Variants in KNTC1 observed in about 807,000 individuals in gnomAD.
The protein encoded by KNTC1 is kinetochore associated 1, also known as kinetochore-associated protein 1.
A neutral mutation model predicts 314.4 loss-of-function variants in KNTC1; 253 were observed. The ratio of observed to expected loss-of-function variants is 0.80; its 90% CI spans 0.73 to 0.89. The LOEUF (loss-of-function observed/expected upper bound fraction) is 0.89. Ranked by LOEUF, KNTC1 falls within the 40% of genes least tolerant of loss-of-function variation. KNTC1 has a pLI of 0.00. For missense variants in KNTC1, 2,475 were observed against 2,572.9 expected, an observed-to-expected ratio of 0.96 and a Z score of 0.82; for synonymous variants, 901 against 901.4, an observed-to-expected ratio of 1.00 and a Z score of 0.01.
At chr12:122,575,672 G>A (rs1378430409) in intron 28 of KNTC1, 26 bp downstream of exon 28, 3 of 1,529,378 alleles carry the variant, frequency 2.0e-6, no homozygotes, top group Non-Finnish European at 2.7e-6. Flanking sequence ...ACGAAACAAT[G>A]TTGTTATGCT....
At chr12:122,564,229 G>A (rs1453090110) in intron 20 of KNTC1, among the ~76,000 whole-genome samples, 2 of 151,996 alleles carry the variant, frequency 1.3e-5, no homozygotes, top group East Asian at 1.9e-4. Context: ...CACCCACCTC[G>A]GCTTCCCAAA....
chr12:122,586,641 TCTGGG>T, intron 37 of KNTC1, 55 bp from the exon 38 acceptor site: 1 of 717,286 alleles, frequency 1.4e-6, no homozygotes, highest in Non-Finnish European at 2.2e-6. Context: ...AGTGATGAAG[TCTGGG>T]CTTTTAGTGT....
At position 122,534,698 on chromosome 12, in the gene KNTC1, T is replaced by C; in HGVS notation, c.164T>C (p.Leu55Ser). The change falls in exon 3 of 64, where the codon TTA becomes TCA. Residue 55 changes from leucine to serine, a missense_variant. Coordinates refer to ENST00000333479, the MANE Select transcript of KNTC1 (RefSeq NM_014708.6). ...SLNPKIQACS[L>S]SDGFIIVADQ... ...AATCCAAAGATACAGGCATGCAGCT[T>C]AAGTGATGGGTTTATTATTGTAGCC... 3 of 1,610,954 alleles carry C rather than the reference T, an allele frequency of 1.9e-6. No individual in the cohort carries two copies. Among genetic ancestry groups the C allele is most frequent in the Non-Finnish European group, 2.5e-6 (3 of 1,178,090 alleles).
chr12:122,580,949 A>G lies in KNTC1; in HGVS notation c.2982+279A>G, dbSNP rs577961641. 1.9e-3 allele frequency among the ~76,000 whole-genome samples: 288 copies of G among 150,430 alleles called. 4 individuals are homozygous for G. Among genetic ancestry groups the G allele is most frequent in the African/African-American group, 6.8e-3 (278 of 40,892 alleles). ...AGGCCGAGGCAGGAGAATTGCTTGAACCCGGGAGGCGGAGGTTGCAGTGAG... is the reference window on the plus strand; with the variant it reads ...AGGCCGAGGCAGGAGAATTGCTTGAGCCCGGGAGGCGGAGGTTGCAGTGAG... On this transcript the variant is annotated intron_variant, in intron 33 of 63. Transcript: ENST00000333479.
At chr12:122,583,194 C>T (rs1042327947) in intron 34 of KNTC1, among the ~76,000 whole-genome samples, 4 of 152,026 alleles carry the variant, frequency 2.6e-5, no homozygotes, top group African/African-American at 9.7e-5. Context: ...GCCTATAGTC[C>T]CAGCTACTGG....
intron 59 of KNTC1, 169 bp from the exon 60 acceptor site, chr12:122,620,310 G>T: frequency 1.8e-6 from 1 of 543,330 alleles, no homozygotes; most frequent in South Asian, 2.3e-5. Context: ...TGTGTAGAGT[G>T]CTGTCAAAGA....
chr12:122,546,643 TAGAC>T lies in KNTC1; in HGVS notation c.787_790del (p.Asp263IlefsTer12), dbSNP rs775464875. The T allele has an allele frequency of 5.7e-6, 9 of 1,588,504 alleles. No homozygotes were observed. The highest frequency in any genetic ancestry group is 7.7e-6 in the Non-Finnish European group (9 of 1,163,272). ...GTAGGTGCAAAGAAGTTCCAGCTGATAGACAATCTACTTTTTGTTCTTGATACTG... is the reference window on the plus strand; with the variant it reads ...GTAGGTGCAAAGAAGTTCCAGCTGATAATCTACTTTTTGTTCTTGATACTG... On this transcript the variant is annotated frameshift_variant, in exon 10 of 64. Transcript: ENST00000333479. LOFTEE classifies it high-confidence loss of function.
At chr12:122,567,720 C>T (rs1039211669) in intron 20 of KNTC1, among the ~76,000 whole-genome samples, 6 of 152,056 alleles carry the variant, frequency 3.9e-5, no homozygotes, top group Admixed American at 6.6e-5. Context: ...TGCCTGTAAT[C>T]CCAGCTGCTT....
chr12:122,613,495 C>T (rs1873409016), intron 54 of KNTC1, 131 bp from the exon 55 acceptor site: 8 of 729,594 alleles, frequency 1.1e-5, no homozygotes, highest in Admixed American at 6.7e-5. Context: ...ATTATATATT[C>T]AGTGAATATA....
intron 5 of KNTC1, among the ~76,000 whole-genome samples, chr12:122,540,984 A>G (rs1962260094): frequency 6.6e-6 from 1 of 151,986 alleles, no homozygotes; most frequent in Non-Finnish European, 1.5e-5. Context: ...CAGCCTGGAT[A>G]ATATAGAGAG....
Position 122,549,766 on chromosome 12 carries a change from A to T in KNTC1, c.988A>T (p.Met330Leu). 1 of 1,431,802 alleles carries T rather than the reference A, an allele frequency of 7.0e-7. No homozygotes were observed. Among genetic ancestry groups the T allele is most frequent in the African/African-American group, 1.4e-5 (1 of 71,426 alleles). 88.7% of individuals were successfully genotyped at this position (1,431,802 alleles called of 1,614,324 possible). ...TTAATTGCTCTGCTATTTTTCTTAG[A>T]TGAAAAACCTCATGGTTTATTCATT... ...IALTASANKK[M>L]KNLMVYSLPT... The change falls in exon 13 of 64, where the codon ATG becomes TTG. Residue 330 changes from methionine to leucine, a missense_variant and splice_region_variant. By Grantham distance (15) the Met-to-Leu change is conservative. Coordinates refer to ENST00000333479, the MANE Select transcript of KNTC1 (RefSeq NM_014708.6).
Position 122,605,036 on chromosome 12 carries a change from C to T in KNTC1, c.5335C>T (p.His1779Tyr). ...ACATCTTATTGTCAGTCTCTACGAA[C>T]ATCCTAGCATCAATCAAAGAATTCA... The part of the protein sequence containing the change: ...PAHLIVSLYE[H>Y]PSINQRIQNS... The change falls in exon 50 of 64, where the codon CAT becomes TAT. Residue 1779 changes from histidine (H) to tyrosine (Y), a missense_variant. By Grantham distance (83) the His-to-Tyr change is moderately conservative. Transcript: ENST00000333479. 1 of 1,613,118 alleles carries T rather than the reference C, an allele frequency of 6.2e-7. No individual in the cohort carries two copies. The highest frequency in any genetic ancestry group is 1.1e-5 in the South Asian group (1 of 90,768).
At position 122,542,119 on chromosome 12, in the gene KNTC1, T is replaced by G; in HGVS notation, c.515T>G (p.Ile172Ser). The G allele has an allele frequency of 6.7e-7, 1 of 1,495,602 alleles. No homozygotes were observed. The highest frequency in any genetic ancestry group is 9.1e-7 in the Non-Finnish European group (1 of 1,093,748). The allele number at this position is 1,495,602 out of a possible 1,614,324, so 92.6% of individuals were successfully genotyped here. A position where few individuals can be genotyped will look rare whatever the true frequency, so the allele number is the denominator to read the frequency against. ...FCITNLQLLK[I>S]QQAIENVDFS... ...ATTACAAACCTTCAGCTTTTAAAAA[T>G]TCAACAAGGTAAGTAATACATTATA... is the stretch of plus-strand genomic sequence containing the variant. Residue 172 changes from isoleucine (I) to serine (S), a missense_variant, in exon 6 of 64, where the codon ATT (isoleucine) becomes AGT (serine). Physicochemically the swap from Ile to Ser is moderately radical, Grantham distance 142. Coordinates refer to ENST00000333479, the MANE Select transcript of KNTC1 (RefSeq NM_014708.6).
intron 26 of KNTC1, 67 bp from the exon 27 acceptor site, chr12:122,574,215 T>A (rs1964879559): frequency 1.2e-6 from 1 of 842,218 alleles, no homozygotes; most frequent in Admixed American, 2.3e-5. Flanking sequence ...TGTATCTAGC[T>A]GTATGTGGCA....
intron 11 of KNTC1, 82 bp downstream of exon 11, chr12:122,547,612 A>T (rs1654762928): frequency 2.2e-6 from 2 of 894,230 alleles, no homozygotes; most frequent in South Asian, 3.0e-5. Flanking sequence ...GTCATTTATT[A>T]TGTTTTACAT....
rs780248943 is a variant in KNTC1, at chr12:122,530,073, G to A, written c.10G>A (p.Asp4Asn). ...AGACAGTCTCAGAAACATGTGGAAT[G>A]ATATTGAGCTGCTAACAAATGATGA... is the stretch of plus-strand genomic sequence containing the variant. MWN[D>N]IELLTNDDTG... is the part of the protein sequence containing the mutation. Residue 4 changes from aspartate (D) to asparagine (N), a missense_variant, in exon 2 of 64, where the codon GAT becomes AAT. Asp to Asn is a conservative substitution (Grantham distance 23, BLOSUM62 1). Coordinates refer to ENST00000333479, the MANE Select transcript of KNTC1 (RefSeq NM_014708.6). 2.5e-6 allele frequency: 4 copies of A among 1,613,490 alleles called. No individual in the cohort carries two copies. The South Asian group carries it at 4.4e-5, about 18-fold the overall frequency.
chr12:122,548,639 G>T (rs1962964203), intron 12 of KNTC1, among the ~76,000 whole-genome samples: 1 of 152,144 alleles, frequency 6.6e-6, no homozygotes, highest in Non-Finnish European at 1.5e-5. Context: ...GTTGGAATAT[G>T]GGGTAGAACA....
At chr12:122,617,573 C>T (rs755414585) in intron 57 of KNTC1, 4 of 203,544 alleles carry the variant, frequency 2.0e-5, no homozygotes, top group Non-Finnish European at 3.1e-5. Context: ...TTGTCCCCTT[C>T]CTTCTTTCCT....
intron 16 of KNTC1, among the ~76,000 whole-genome samples, chr12:122,554,674 C>G (rs1027892871): frequency 5.3e-5 from 8 of 151,972 alleles, no homozygotes; most frequent in African/African-American, 1.9e-4. Context: ...GCAAAAAAAT[C>G]AAACCAAAAC....
Sources: gnomAD v4.1 joint callset for allele counts (sites outside exome capture counted in the v4.1 genomes callset) on GRCh38, gnomAD v4.1.1 for gene constraint, MANE v1.5 for transcripts, NCBI Gene and HGNC (gene_info 2026-07-23, HGNC 2026-07-21) for gene names.